Variants in ITPR1 observed in about 807,000 individuals in gnomAD.
ITPR1 encodes the protein inositol 1,4,5-trisphosphate receptor type 1, also known as inositol 1,4,5-trisphosphate-gated calcium channel ITPR1.
A neutral mutation model predicts 318.4 loss-of-function variants in ITPR1; 96 were observed. That is an observed-to-expected ratio of 0.30 (90% CI 0.26 to 0.36). The LOEUF (loss-of-function observed/expected upper bound fraction) is 0.36, where lower values mean the gene tolerates loss of function less well. Among genes scored for constraint, ITPR1 ranks in the 10% least tolerant of loss-of-function variants. The pLI is 1.00. For synonymous variants in ITPR1, 1,312 were observed against 1,289.9 expected (o/e 1.02, Z -0.37); for missense variants, 2,440 against 3,460.2 (o/e 0.71, Z 7.40).
In ITPR1 at chr3:4,553,601, C is replaced by CTTT. The variant is rs35264136; in HGVS notation, c.163+32521_163+32523dup. ...GCGTGCCACCACGCCTGGATAATTT[C>CTTT]TTTTTTTTTTTTTTTTGAGACAGAG... On this transcript the variant is annotated intron_variant, in intron 4 of 61. Coordinates refer to ENST00000649015, the MANE Select transcript of ITPR1 (RefSeq NM_001378452.1). Among the ~76,000 whole-genome samples, 251 of 134,332 alleles carry CTTT rather than the reference C, an allele frequency of 1.9e-3. 8 individuals are homozygous for CTTT. The highest frequency in any genetic ancestry group is 3.0e-3 in the Admixed American group (40 of 13,176). 88.1% of individuals were successfully genotyped at this position (134,332 alleles called of 152,430 possible).
chr3:4,655,554 G>A (rs2093687104), intron 12 of ITPR1, among the ~76,000 whole-genome samples: 1 of 152,126 alleles, frequency 6.6e-6, no homozygotes. Flanking sequence ...TAGTGCCTTT[G>A]CGTCCACCAG....
Position 4,702,884 on chromosome 3 carries a change from T to A in ITPR1, c.4591T>A (p.Cys1531Ser), listed in dbSNP as rs542591239. ...LLQGVFRVYH[C>S]NWLMPSQKAS... ...GCAAGGCGTGTTCAGGGTTTACCAC[T>A]GCAACTGGTTAATGCCAAGCCAAAA... Residue 1531 changes from cysteine (C) to serine (S), a missense_variant, in exon 36 of 62, where the codon TGC (cysteine) becomes AGC (serine). By Grantham distance (112) the Cys-to-Ser change is moderately radical. Transcript: ENST00000649015. The A allele has an allele frequency of 6.2e-7, 1 of 1,613,982 alleles. No individual in the cohort carries two copies. Among genetic ancestry groups the A allele is most frequent in the Non-Finnish European group, 8.5e-7 (1 of 1,179,858 alleles).
chr3:4,559,733 AC>A (rs1223578489), intron 4 of ITPR1, among the ~76,000 whole-genome samples: 1 of 152,222 alleles, frequency 6.6e-6, no homozygotes, highest in Non-Finnish European at 1.5e-5. Flanking sequence ...TTTTATCCAT[AC>A]CACACACTGT....
chr3:4,735,629 G>T, intron 44 of ITPR1: 1 of 433,340 alleles, frequency 2.3e-6, no homozygotes, highest in Non-Finnish European at 4.2e-6. Context: ...GGCACATAGT[G>T]GGCACTCCAT....
intron 39 of ITPR1, among the ~76,000 whole-genome samples, 194 bp from the exon 40 acceptor site, chr3:4,717,173 C>T (rs543194376): frequency 1.3e-5 from 2 of 152,274 alleles, no homozygotes; most frequent in South Asian, 2.1e-4. Context: ...GCATCGTGTC[C>T]GTTTTGGTCC....
chr3:4,516,327 T>C, intron 2 of ITPR1, 149 bp from the exon 3 acceptor site: 2 of 525,456 alleles, frequency 3.8e-6, no homozygotes, highest in African/African-American at 4.0e-5. Context: ...ACTTGGCTCA[T>C]TGAATCGCCT....
At chr3:4,794,723 C>T (rs890598711) in intron 52 of ITPR1, among the ~76,000 whole-genome samples, 10 of 152,108 alleles carry the variant, frequency 6.6e-5, no homozygotes, top group Admixed American at 2.0e-4. Flanking sequence ...TAGGGGGAAC[C>T]GAGGACTCAA....
intron 42 of ITPR1, 91 bp from the exon 43 acceptor site, chr3:4,732,997 T>C (rs758420114): frequency 9.7e-6 from 13 of 1,342,510 alleles, no homozygotes; most frequent in Non-Finnish European, 1.4e-5. Flanking sequence ...CTGGGCCAAT[T>C]ATAACTGAGT....
At chr3:4,631,172 C>T (rs1054004280) in intron 5 of ITPR1, among the ~76,000 whole-genome samples, 12 of 152,118 alleles carry the variant, frequency 7.9e-5, no homozygotes, top group Non-Finnish European at 1.8e-4. Context: ...GCTCTTTGGG[C>T]GACTGCATAT....
chr3:4,729,912 G>A (rs1009330149), intron 42 of ITPR1, among the ~76,000 whole-genome samples: 3 of 141,974 alleles, frequency 2.1e-5, no homozygotes, highest in African/African-American at 5.2e-5. Context: ...AAGAAGTGAC[G>A]TTATTTTAGA....
intron 33 of ITPR1, among the ~76,000 whole-genome samples, chr3:4,695,214 A>G (rs1210652848): frequency 1.3e-5 from 2 of 152,220 alleles, no homozygotes; most frequent in Non-Finnish European, 2.9e-5. Context: ...TTCTTTTCAC[A>G]GTCTTGGCCA....
At chr3:4,555,924 C>T (rs1222108278) in intron 4 of ITPR1, among the ~76,000 whole-genome samples, 1 of 152,106 alleles carries the variant, frequency 6.6e-6, no homozygotes, top group Non-Finnish European at 1.5e-5. Context: ...CATCATATGG[C>T]TCGAAGTCAG....
At chr3:4,678,497 T>C (rs2094229992) in intron 24 of ITPR1, among the ~76,000 whole-genome samples, 1 of 152,176 alleles carries the variant, frequency 6.6e-6, no homozygotes, top group African/African-American at 2.4e-5. Flanking sequence ...GGGTACTTAT[T>C]GACTCCCTAC....
intron 30 of ITPR1, among the ~76,000 whole-genome samples, 199 bp downstream of exon 30, chr3:4,685,405 C>T (rs1034969647): frequency 7.2e-5 from 11 of 152,194 alleles, no homozygotes; most frequent in Non-Finnish European, 1.0e-4. Flanking sequence ...AATCCTCATC[C>T]CCAGTTTTAA....
intron 26 of ITPR1, among the ~76,000 whole-genome samples, chr3:4,681,624 A>AGTATGTGTGT (rs373511110): frequency 0.045 from 6,593 of 145,858 alleles, 407 homozygotes; most frequent in African/African-American, 0.14. Context: ...AGAGAGAGAA[A>AGTATGTGTGT]GTGTGTGTGT....
At chr3:4,546,243 G>C (rs1057035796) in intron 4 of ITPR1, among the ~76,000 whole-genome samples, 7 of 152,164 alleles carry the variant, frequency 4.6e-5, no homozygotes, top group Admixed American at 3.9e-4. Flanking sequence ...TTGGGGAGCA[G>C]AAAGTGTCTT....
intron 40 of ITPR1, among the ~76,000 whole-genome samples, chr3:4,722,939 A>G (rs1048182984): frequency 4.6e-5 from 7 of 152,214 alleles, no homozygotes; most frequent in Non-Finnish European, 1.5e-5. Flanking sequence ...ACTTGAGGTC[A>G]GGAGTTCGAG....
intron 4 of ITPR1, among the ~76,000 whole-genome samples, chr3:4,536,178 G>C (rs1251147582): frequency 6.6e-6 from 1 of 152,098 alleles, no homozygotes; most frequent in Non-Finnish European, 1.5e-5. Context: ...TCGTTTGCCA[G>C]GTTTATCACT....
At chr3:4,499,401 A>C (rs1474448669) in intron 2 of ITPR1, among the ~76,000 whole-genome samples, 1 of 152,150 alleles carries the variant, frequency 6.6e-6, no homozygotes, top group African/African-American at 2.4e-5. Context: ...ATAAACAGAC[A>C]TCTGTGTCTC....
Sources: gnomAD v4.1 joint callset for allele counts (sites outside exome capture counted in the v4.1 genomes callset) on GRCh38, gnomAD v4.1.1 for gene constraint, MANE v1.5 for transcripts, NCBI Gene and HGNC (gene_info 2026-07-23, HGNC 2026-07-21) for gene names.